The following ANK2 variants were observed in gnomAD, a reference collection of about 807,000 sequenced individuals.
The protein encoded by ANK2 is ankyrin-2.
Under a neutral mutation model 360.5 loss-of-function variants are expected in ANK2, and 83 were observed. The observed-to-expected ratio is 0.23, with a 90% CI of 0.19 to 0.28. ANK2 has a LOEUF of 0.28. Among genes scored for constraint, ANK2 ranks in the 10% least tolerant of loss-of-function variants. The probability of loss-of-function intolerance (pLI) is 1.00; values close to 1 mark genes in which losing one functional copy is unlikely to be tolerated. For synonymous variants in ANK2, 1,740 were observed against 1,759.5 expected (o/e 0.99, Z 0.28); for missense variants, 4,201 against 4,795.7 (o/e 0.88, Z 3.66).
chr4:112,973,910 G>A (rs531172132), intron 2 of ANK2, among the ~76,000 whole-genome samples: 2 of 152,270 alleles, frequency 1.3e-5, no homozygotes, highest in South Asian at 4.1e-4. Flanking sequence ...AAGAAAACCC[G>A]AAACTACTCA....
At position 113,358,341 on chromosome 4, in the gene ANK2, G is replaced by A; in HGVS notation, c.9723G>A (p.Gln3241=). ...TACCTCCTCTCTCTGGTGTAAAGCAGATATCCTGCCCCGACTCTTCTGAAC... is the reference window on the plus strand; with the variant it reads ...TACCTCCTCTCTCTGGTGTAAAGCAAATATCCTGCCCCGACTCTTCTGAAC... The part of the protein sequence containing the change: ...GDIPPLSGVK[Q]ISCPDSSEPA... Residue 3241 remains glutamine, a synonymous_variant, in exon 38 of 46, where the codon CAG becomes CAA. Coordinates refer to ENST00000357077, the MANE Select transcript of ANK2 (RefSeq NM_001148.6). 6.2e-7 allele frequency: 1 copy of A among 1,613,926 alleles called. No individual in the cohort carries two copies. The highest frequency in any genetic ancestry group is 8.5e-7 in the Non-Finnish European group (1 of 1,179,840).
intron 2 of ANK2, among the ~76,000 whole-genome samples, chr4:113,015,486 A>G (rs892950597): frequency 2.0e-5 from 3 of 152,236 alleles, no homozygotes; most frequent in Admixed American, 1.3e-4. Flanking sequence ...TGAATCTTCA[A>G]TTGTTGAACT....
At chr4:112,819,927 C>G (rs966651445) in intron 1 of ANK2, among the ~76,000 whole-genome samples, 1 of 152,172 alleles carries the variant, frequency 6.6e-6, no homozygotes, top group African/African-American at 2.4e-5. Context: ...GACCACACCC[C>G]CTTTTTTGGC....
the ANK2 span, among the ~76,000 whole-genome samples, chr4:112,745,177 A>G: frequency 1.3e-5 from 2 of 152,374 alleles, no homozygotes; most frequent in East Asian, 1.9e-4. Flanking sequence ...AAAGAAAAGT[A>G]TTACATACAT....
rs765190989 is a variant in ANK2, at chr4:113,274,530, C to T, written c.1564C>T (p.His522Tyr). The change falls in exon 15 of 46, where the codon CAT becomes TAT. Residue 522 changes from histidine (H) to tyrosine (Y), a missense_variant. His to Tyr is a moderately conservative substitution (Grantham distance 83). This residue lies in a region of ANK2 where 1,268 missense variants were observed against 1,650.8 expected (regional missense o/e 0.77). Transcript: ENST00000357077. Reference sequence around the variant, plus strand: ...CCAGCTGCTTCTACAACATATGGCTCATCCAGATGCGGCCACTACAAATGG... The same window carrying T: ...CCAGCTGCTTCTACAACATATGGCTTATCCAGATGCGGCCACTACAAATGG... ...IVQLLLQHMA[H>Y]PDAATTNGYT... is the part of the protein sequence containing the mutation. 8.1e-6 allele frequency: 13 copies of T among 1,614,216 alleles called. No homozygotes were observed. Among genetic ancestry groups the T allele is most frequent in the Middle Eastern group, 1.6e-4 (1 of 6,062 alleles).
chr4:113,132,805 A>G (rs2096136508), intron 1 of ANK2, among the ~76,000 whole-genome samples: 1 of 152,182 alleles, frequency 6.6e-6, no homozygotes, highest in Non-Finnish European at 1.5e-5. Flanking sequence ...GCAGCCATCT[A>G]TACTTGGGAA....
rs1580054974 is a variant in ANK2, at chr4:113,049,796, G to A, written c.68G>A (p.Arg23Lys). ...GEKFNGSSQRRKRPKKSDSNA... is the reference protein window; with the variant it reads ...GEKFNGSSQRKKRPKKSDSNA... ...AAGTTCAACGGCAGTAGTCAGAGGA[G>A]AAAAAGACCCAAGAAGGTAAATCGC... Residue 23 changes from arginine (R) to lysine (K), a missense_variant, in exon 1 of 46, where the codon AGA (arginine) becomes AAA (lysine). Around this residue, in one of 4 missense-constraint regions of ANK2, gnomAD observed 169 missense variants for 191.1 expected, o/e 0.88. Transcript: ENST00000357077. 6.2e-7 allele frequency: 1 copy of A among 1,613,770 alleles called. No homozygotes were observed. Among genetic ancestry groups the A allele is most frequent in the East Asian group, 2.2e-5 (1 of 44,846 alleles).
intron 1 of ANK2, among the ~76,000 whole-genome samples, chr4:113,081,698 G>A (rs998918207): frequency 9.2e-5 from 14 of 152,094 alleles, no homozygotes; most frequent in African/African-American, 3.4e-4. Context: ...AATTTACAAA[G>A]CTATTTTTTT....
intron 1 of ANK2, among the ~76,000 whole-genome samples, chr4:113,130,342 T>A (rs1001912057): frequency 7.2e-5 from 11 of 152,172 alleles, no homozygotes; most frequent in African/African-American, 2.7e-4. Context: ...TTTCTTTGTC[T>A]TTAATATTGT....
intron 4 of ANK2, among the ~76,000 whole-genome samples, chr4:113,221,811 C>T (rs2099155435): frequency 6.6e-6 from 1 of 152,160 alleles, no homozygotes; most frequent in Non-Finnish European, 1.5e-5. Flanking sequence ...CAAAATAGTT[C>T]AAATGCTTTC....
chr4:113,337,311 G>A (rs1050686396), intron 31 of ANK2, among the ~76,000 whole-genome samples: 63 of 152,242 alleles, frequency 4.1e-4, no homozygotes, highest in African/African-American at 1.4e-3. Flanking sequence ...CAACTTAAAG[G>A]TTTTCAGTGA....
intron 3 of ANK2, among the ~76,000 whole-genome samples, chr4:113,197,600 A>C (rs1005258069): frequency 6.6e-6 from 1 of 152,214 alleles, no homozygotes; most frequent in African/African-American, 2.4e-5. Flanking sequence ...AAAAAGTACA[A>C]GAATAAATTA....
At chr4:112,945,452 A>C (rs2094486262) in intron 2 of ANK2, among the ~76,000 whole-genome samples, 1 of 152,218 alleles carries the variant, frequency 6.6e-6, no homozygotes, top group Non-Finnish European at 1.5e-5. Context: ...TCATTACAAA[A>C]ATTATTTAAT....
chr4:113,259,336 G>T (rs1404115847), intron 13 of ANK2, among the ~76,000 whole-genome samples: 1 of 152,160 alleles, frequency 6.6e-6, no homozygotes, highest in African/African-American at 2.4e-5. Context: ...ATTAAAATGA[G>T]CTATGTTGTC....
chr4:112,919,676 A>G (rs755725695), intron 2 of ANK2, among the ~76,000 whole-genome samples: 13 of 152,152 alleles, frequency 8.5e-5, no homozygotes, highest in Non-Finnish European at 1.5e-4. Flanking sequence ...CCAGCATTTT[A>G]TTCAAACTCC....
At chr4:113,112,158 AT>A (rs963739963) in intron 1 of ANK2, among the ~76,000 whole-genome samples, 1 of 152,244 alleles carries the variant, frequency 6.6e-6, no homozygotes, top group Non-Finnish European at 1.5e-5. Context: ...TTAAGATACT[AT>A]TATAGTAAAT....
intron 1 of ANK2, chr4:112,880,185 C>G (rs2076323647): frequency 6.6e-6 from 1 of 152,130 alleles, no homozygotes; most frequent in Non-Finnish European, 1.5e-5. Flanking sequence ...TTGAAACCAT[C>G]AATATGCTCA....
At chr4:113,171,208 A>G (rs961982912) in intron 1 of ANK2, among the ~76,000 whole-genome samples, 1 of 152,108 alleles carries the variant, frequency 6.6e-6, no homozygotes, top group African/African-American at 2.4e-5. Flanking sequence ...GCATGGTAAA[A>G]ATTGCTGTAT....
intron 1 of ANK2, among the ~76,000 whole-genome samples, chr4:113,097,442 G>T (rs2091569506): frequency 6.6e-6 from 1 of 152,070 alleles, no homozygotes; most frequent in Non-Finnish European, 1.5e-5. Flanking sequence ...AAGAGTGGTA[G>T]ACTCCAGTAT....
Sources: allele counts gnomAD v4.1 joint callset (sites outside exome capture counted in the v4.1 genomes callset), GRCh38; gene constraint gnomAD v4.1.1; regional missense constraint gnomAD v4.1.1; transcripts MANE v1.5; gene names NCBI Gene and HGNC (gene_info 2026-07-23, HGNC 2026-07-21).